Variants in FCHO1 observed in about 807,000 individuals in gnomAD.
The protein encoded by FCHO1 is F-BAR domain only protein 1.
FCHO1 carries 45 observed loss-of-function variants against 114.4 expected under a neutral mutation model. The observed-to-expected ratio is 0.39, with a 90% CI of 0.31 to 0.50. The LOEUF (loss-of-function observed/expected upper bound fraction) is 0.50, where lower values mean the gene tolerates loss of function less well. Ranked by LOEUF, FCHO1 falls within the 20% of genes least tolerant of loss-of-function variation. FCHO1 has a pLI of 0.77. For synonymous variants in FCHO1, 480 were observed against 488.9 expected, an observed-to-expected ratio of 0.98 and a Z score of 0.24; for missense variants, 1,042 against 1,209.6, an observed-to-expected ratio of 0.86 and a Z score of 2.06.
Position 17,781,259 on chromosome 19 carries a change from A to T in FCHO1, c.1656A>T (p.Thr552=). Residue 552 remains threonine (T), a synonymous_variant, in exon 21 of 29, where the codon ACA becomes ACT. Transcript: ENST00000596536. ...GDLMPAPADP[T]AREGLAAPPR... ...TGATGCCTGCACCTGCTGACCCCAC[A>T]GCCAGGGAGGGCCTGGCAGCCCCAC... 1 of 1,613,816 alleles carries T rather than the reference A, an allele frequency of 6.2e-7. No homozygotes were observed.
intron 8 of FCHO1, 32 bp from the exon 9 acceptor site, chr19:17,770,760 T>C: frequency 1.9e-6 from 3 of 1,611,030 alleles, no homozygotes; most frequent in Non-Finnish European, 1.7e-6. Context: ...AGTATCGCCC[T>C]CCCATCCCCG....
intron 4 of FCHO1, among the ~76,000 whole-genome samples, chr19:17,757,566 G>GTA (rs1420613276): frequency 6.6e-6 from 1 of 152,202 alleles, no homozygotes; most frequent in Non-Finnish European, 1.5e-5. Context: ...AAGTGACCCT[G>GTA]TACGTATAAG....
intron 13 of FCHO1, chr19:17,774,750 G>C: frequency 1.7e-6 from 1 of 585,266 alleles, no homozygotes; most frequent in Non-Finnish European, 3.0e-6. Flanking sequence ...CCCTGCCCAA[G>C]CTGGCCCAGG....
At chr19:17,758,624 G>A (rs1176362736) in intron 4 of FCHO1, 1 of 152,204 alleles carries the variant, frequency 6.6e-6, no homozygotes. Context: ...CTTGGCTTCG[G>A]TGTCTCCATT....
At chr19:17,782,559 G>A (rs2093521496) in intron 23 of FCHO1, among the ~76,000 whole-genome samples, 1 of 152,124 alleles carries the variant, frequency 6.6e-6, no homozygotes, top group South Asian at 2.1e-4. Context: ...GGCTGCCGTG[G>A]GCATTAAGAT....
At chr19:17,772,387 G>C (rs951587409) in intron 9 of FCHO1, 70 bp from the exon 10 acceptor site, 2 of 1,164,810 alleles carry the variant, frequency 1.7e-6, no homozygotes, top group African/African-American at 3.0e-5. Context: ...TGATTGGTCA[G>C]GCTGAGTCAT....
chr19:17,754,045 G>A (rs2082694717), intron 1 of FCHO1, among the ~76,000 whole-genome samples: 1 of 152,158 alleles, frequency 6.6e-6, no homozygotes, highest in Non-Finnish European at 1.5e-5. Context: ...GTCCTTTCCT[G>A]GGGAGGCCCC....
chr19:17,764,539 T>G, intron 6 of FCHO1, 90 bp downstream of exon 6: 1 of 1,052,000 alleles, frequency 9.5e-7, no homozygotes, highest in Non-Finnish European at 1.4e-6. Context: ...TAGAATAGAG[T>G]GTCATCCACC....
At chr19:17,780,051 A>C (rs2093221233) in intron 20 of FCHO1, among the ~76,000 whole-genome samples, 1 of 151,738 alleles carries the variant, frequency 6.6e-6, no homozygotes, top group Non-Finnish European at 1.5e-5. Context: ...CGAGGTCCCC[A>C]GTAGTGTCAA....
At chr19:17,752,431 A>G (rs1296378817) in intron 1 of FCHO1, 1 of 150,662 alleles carries the variant, frequency 6.6e-6, no homozygotes, top group Non-Finnish European at 1.5e-5. Flanking sequence ...GCTGATTTTT[A>G]TATTTTTTGG....
intron 7 of FCHO1, 122 bp from the exon 8 acceptor site, chr19:17,770,303 A>G: frequency 9.1e-7 from 1 of 1,099,500 alleles, no homozygotes; most frequent in South Asian, 1.8e-5. Flanking sequence ...CTCTGTCTAA[A>G]AAAAACCAAA....
upstream of FCHO1, among the ~76,000 whole-genome samples, chr19:17,749,799 G>A (rs2081468567): frequency 6.6e-6 from 1 of 152,148 alleles, no homozygotes; most frequent in South Asian, 2.1e-4. Context: ...ATGACATAGT[G>A]GGTCATTGAA....
intron 1 of FCHO1, chr19:17,752,291 CTCTT>C (rs1206207359): frequency 6.6e-6 from 1 of 152,110 alleles, no homozygotes; most frequent in Non-Finnish European, 1.5e-5. Flanking sequence ...CAGAATCTCA[CTCTT>C]TCAACCAGGT....
chr19:17,749,643 C>T (rs975368749), upstream of FCHO1, among the ~76,000 whole-genome samples: 2 of 152,002 alleles, frequency 1.3e-5, no homozygotes, highest in African/African-American at 4.8e-5. Context: ...CTTGGTGGCC[C>T]GAGTCACTGT....
chr19:17,762,866 A>C lies in FCHO1; in HGVS notation c.119+13A>C. On this transcript the variant is annotated intron_variant, in intron 5 of 28. Transcript: ENST00000596536. Reference sequence around the variant, plus strand: ...TCATCCGGGAGAGGTGAGGTCCCCAAGCCCCATCCACCAGAGGCCACGCCC... The same window carrying C: ...TCATCCGGGAGAGGTGAGGTCCCCACGCCCCATCCACCAGAGGCCACGCCC... 1 of 1,588,092 alleles carries C rather than the reference A, an allele frequency of 6.3e-7. No homozygotes were observed. Among genetic ancestry groups the C allele is most frequent in the Non-Finnish European group, 8.6e-7 (1 of 1,156,738 alleles).
At chr19:17,770,718 G>A in intron 8 of FCHO1, 74 bp from the exon 9 acceptor site, 4 of 1,591,156 alleles carry the variant, frequency 2.5e-6, no homozygotes, top group Admixed American at 3.4e-5. Flanking sequence ...GAGTTCACCT[G>A]CCAGGTGATG....
upstream of FCHO1, among the ~76,000 whole-genome samples, chr19:17,750,822 C>CTTTT (rs1326515643): frequency 1.5e-4 from 21 of 143,776 alleles, 1 homozygote; most frequent in South Asian, 4.3e-4. Context: ...CTTCCCCTTT[C>CTTTT]TTTTCTTTTT....
upstream of FCHO1, among the ~76,000 whole-genome samples, chr19:17,750,998 C>T (rs922234763): frequency 4.6e-5 from 7 of 152,022 alleles, no homozygotes; most frequent in Admixed American, 1.3e-4. Flanking sequence ...TGGGCCACCA[C>T]GCCCAGCTAA....
intron 20 of FCHO1, 147 bp downstream of exon 20, chr19:17,779,031 A>G (rs953005361): frequency 1.6e-5 from 14 of 886,850 alleles, no homozygotes; most frequent in Admixed American, 1.2e-4. Context: ...GACAACAATG[A>G]GATGGACATT....
Sources: gnomAD v4.1 joint callset for allele counts (sites outside exome capture counted in the v4.1 genomes callset) on GRCh38, gnomAD v4.1.1 for gene constraint, MANE v1.5 for transcripts, NCBI Gene and HGNC (gene_info 2026-07-23, HGNC 2026-07-21) for gene names.